The following FAM219A variants were observed in gnomAD, a reference collection of about 807,000 sequenced individuals.
FAM219A encodes family with sequence similarity 219 member A, also known as protein FAM219A.
FAM219A carries 7 observed loss-of-function variants against 23.4 expected under a neutral mutation model. That is an observed-to-expected ratio of 0.30 (90% CI 0.17 to 0.56). FAM219A has a LOEUF of 0.56. Ranked by LOEUF, FAM219A falls within the 20% of genes least tolerant of loss-of-function variation. The pLI, the probability that FAM219A is intolerant of heterozygous loss-of-function variation, is 0.92. For missense variants in FAM219A, 166 were observed against 246.9 expected, an observed-to-expected ratio of 0.67 and a Z score of 2.20; for synonymous variants, 93 against 99.0, an observed-to-expected ratio of 0.94 and a Z score of 0.36.
chr9:34,447,039 C>A (rs1365741543), intron 1 of FAM219A, among the ~76,000 whole-genome samples: 1 of 152,266 alleles, frequency 6.6e-6, no homozygotes, highest in Non-Finnish European at 1.5e-5. Context: ...CTTCTCCAAT[C>A]ACACAGCCTC....
At chr9:34,439,603 G>A (rs565986708) in intron 1 of FAM219A, among the ~76,000 whole-genome samples, 1 of 152,234 alleles carries the variant, frequency 6.6e-6, no homozygotes, top group East Asian at 1.9e-4. Flanking sequence ...ACTAAGAACT[G>A]AAAGATGAGT....
intron 1 of FAM219A, among the ~76,000 whole-genome samples, chr9:34,411,262 A>G (rs1350712211): frequency 6.6e-6 from 1 of 152,166 alleles, no homozygotes; most frequent in African/African-American, 2.4e-5. Flanking sequence ...AATAGAAAAG[A>G]GTCCCAGCTG....
chr9:34,424,930 G>T (rs926545024), intron 1 of FAM219A, among the ~76,000 whole-genome samples: 1 of 152,002 alleles, frequency 6.6e-6, no homozygotes, highest in Non-Finnish European at 1.5e-5. Context: ...TTAGCCTCCC[G>T]AGGAACTAGG....
chr9:34,407,700 T>C (rs541877667), intron 1 of FAM219A, among the ~76,000 whole-genome samples: 1 of 152,186 alleles, frequency 6.6e-6, no homozygotes, highest in Non-Finnish European at 1.5e-5. Flanking sequence ...GTCTTTGCAT[T>C]TTAACCAGGG....
intron 1 of FAM219A, among the ~76,000 whole-genome samples, chr9:34,419,577 G>A (rs970823340): frequency 6.6e-6 from 1 of 152,162 alleles, no homozygotes; most frequent in African/African-American, 2.4e-5. Context: ...TGTGGTTGGA[G>A]ACTCCTTGAG....
chr9:34,457,204 A>C lies in FAM219A; in HGVS notation c.60+1000T>G, dbSNP rs1395019234. Among the ~76,000 whole-genome samples, 1 of 152,184 alleles carries C rather than the reference A, an allele frequency of 6.6e-6. No individual in the cohort carries two copies. Among genetic ancestry groups the C allele is most frequent in the Admixed American group, 6.5e-5 (1 of 15,282 alleles). ...GGGGGATAAAGCGAACACAGCCTAG[A>C]CATTCCCTCTCTTCCCCCCTCACTA... is the stretch of plus-strand genomic sequence containing the variant. On this transcript the variant is annotated intron_variant, in intron 1 of 5. Transcript: ENST00000651358. The surrounding 1 kb of genome is among the most constrained non-coding windows in gnomAD (Gnocchi z 5.1).
chr9:34,410,103 T>C (rs910645816), intron 1 of FAM219A, among the ~76,000 whole-genome samples: 1 of 152,112 alleles, frequency 6.6e-6, no homozygotes, highest in African/African-American at 2.4e-5. Flanking sequence ...GGGAGGGACA[T>C]AGGGAAGAGA....
chr9:34,406,510 G>A, intron 1 of FAM219A: 3 of 984,858 alleles, frequency 3.0e-6, no homozygotes, highest in Non-Finnish European at 3.6e-6. Context: ...CAAAAAAATA[G>A]TTCTAATGAG....
intron 5 of FAM219A, 82 bp downstream of exon 5, chr9:34,401,584 T>G: frequency 6.7e-7 from 1 of 1,486,382 alleles, no homozygotes; most frequent in Non-Finnish European, 9.2e-7. Flanking sequence ...TTCCTTGTAC[T>G]TGGGCATTGG....
chr9:34,407,338 G>A (rs990845091), intron 1 of FAM219A, among the ~76,000 whole-genome samples: 9 of 151,906 alleles, frequency 5.9e-5, no homozygotes, highest in Non-Finnish European at 1.2e-4. Context: ...TTGGAGAAAA[G>A]GTTCTATTTT....
Position 34,408,044 on chromosome 9 carries a change from T to C in FAM219A, c.61-2080A>G, listed in dbSNP as rs528522405. Among the ~76,000 whole-genome samples, 11 of 152,324 alleles carry C rather than the reference T, an allele frequency of 7.2e-5. No homozygotes were observed. In the South Asian group the frequency reaches 2.3e-3, roughly 32 times the overall value. On this transcript the variant is annotated intron_variant, in intron 1 of 5. Transcript: ENST00000651358. ...AGAGCACAAGGCTCTGGGTGGGTTGTGTTGCCACAGTGGTTTGCAAGTTCC... is the reference window on the plus strand; with the variant it reads ...AGAGCACAAGGCTCTGGGTGGGTTGCGTTGCCACAGTGGTTTGCAAGTTCC...
At position 34,458,522 on chromosome 9, in the gene FAM219A, CCTA is replaced by C; in HGVS notation, c.-262_-260del. 1 of 384,712 alleles carries C rather than the reference CCTA, an allele frequency of 2.6e-6. No homozygotes were observed. The highest frequency in any genetic ancestry group is 3.8e-5 in the South Asian group (1 of 26,514). The allele number at this position is 384,712 out of a possible 1,614,324, so 23.8% of individuals were successfully genotyped here. A position where few individuals can be genotyped will look rare whatever the true frequency, so the allele number is the denominator to read the frequency against. ...CCGAGCCGCAGGTCTTGCCTCGCCT[CCTA>C]CTCCGCTGCCGCCTCCTGTCAGCAG... On this transcript the variant is annotated 5_prime_UTR_variant, in exon 1 of 6. Transcript: ENST00000651358. The surrounding 1 kb of genome is among the most constrained non-coding windows in gnomAD (Gnocchi z 6.6).
At chr9:34,416,182 GAAAA>G (rs1821993700) in intron 1 of FAM219A, among the ~76,000 whole-genome samples, 1 of 90,882 alleles carries the variant, frequency 1.1e-5, no homozygotes, top group South Asian at 3.9e-4. Context: ...AGAAGAAAGA[GAAAA>G]GAAAGAAAGA....
intron 1 of FAM219A, among the ~76,000 whole-genome samples, chr9:34,437,337 G>A (rs1822959668): frequency 6.6e-6 from 1 of 152,180 alleles, no homozygotes; most frequent in South Asian, 2.1e-4. Context: ...GGAAACAGAT[G>A]GGGTGAGAGA....
rs543402007 is a variant in FAM219A, at chr9:34,438,493, G to C, written c.60+19711C>G. Among the ~76,000 whole-genome samples the C allele has an allele frequency of 2.6e-5, 4 of 152,294 alleles. No homozygotes were observed. The East Asian group carries it at 7.7e-4, about 29-fold the overall frequency. On this transcript the variant is annotated intron_variant, in intron 1 of 5. Coordinates refer to ENST00000651358, the MANE Select transcript of FAM219A (RefSeq NM_001184940.2). Reference sequence around the variant, plus strand: ...AATCAGCACCCTGTGTCTAGCTCAGGGTTTGTGAATGCACCAATGGACACT... The same window carrying C: ...AATCAGCACCCTGTGTCTAGCTCAGCGTTTGTGAATGCACCAATGGACACT...
intron 1 of FAM219A, among the ~76,000 whole-genome samples, chr9:34,443,845 T>C (rs1182307723): frequency 6.6e-6 from 1 of 152,058 alleles, no homozygotes; most frequent in Non-Finnish European, 1.5e-5. Context: ...TCAGAGCCCA[T>C]GGCAAATGAA....
At chr9:34,411,147 G>A (rs938893439) in intron 1 of FAM219A, among the ~76,000 whole-genome samples, 20 of 152,040 alleles carry the variant, frequency 1.3e-4, no homozygotes, top group African/African-American at 4.6e-4. Flanking sequence ...CCCTCCTTAG[G>A]GTGATGAAAG....
At chr9:34,444,912 C>G (rs1187912374) in intron 1 of FAM219A, among the ~76,000 whole-genome samples, 1 of 152,214 alleles carries the variant, frequency 6.6e-6, no homozygotes, top group East Asian at 1.9e-4. Flanking sequence ...TCTGTCTCTC[C>G]TACTGGATTG....
chr9:34,429,319 A>G (rs1822603735), intron 1 of FAM219A, among the ~76,000 whole-genome samples: 1 of 152,180 alleles, frequency 6.6e-6, no homozygotes, highest in Non-Finnish European at 1.5e-5. Flanking sequence ...CTCAAAAGGA[A>G]GAGGGCCTTG....
Sources: gnomAD v4.1 joint callset for allele counts (sites outside exome capture counted in the v4.1 genomes callset) on GRCh38, gnomAD v4.1.1 for gene constraint, Gnocchi (gnomAD v3.1) non-coding constraint, MANE v1.5 for transcripts, NCBI Gene and HGNC (gene_info 2026-07-23, HGNC 2026-07-21) for gene names.